BBS9: variants seen among roughly 807,000 people sequenced by gnomAD.
The protein encoded by BBS9 is protein PTHB1.
In BBS9, 89 loss-of-function variants were observed where a neutral mutation model predicts 117.7. The observed-to-expected ratio is 0.76, with a 90% CI of 0.64 to 0.90. BBS9 has a LOEUF of 0.90. Ranked by LOEUF, BBS9 falls within the 40% of genes least tolerant of loss-of-function variation. The pLI, the probability that BBS9 is intolerant of heterozygous loss-of-function variation, is 0.00. For missense variants in BBS9, 982 were observed against 1,042.2 expected (o/e 0.94, Z 0.80); for synonymous variants, 379 against 370.9 (o/e 1.02, Z -0.25).
chr7:33,217,438 C>T (rs988777193), intron 5 of BBS9, among the ~76,000 whole-genome samples: 8 of 152,044 alleles, frequency 5.3e-5, no homozygotes, highest in Non-Finnish European at 7.4e-5. Flanking sequence ...ATTATATCTA[C>T]GAAGTGTTTT....
At chr7:33,185,578 T>G (rs989764910) in intron 5 of BBS9, among the ~76,000 whole-genome samples, 1 of 152,214 alleles carries the variant, frequency 6.6e-6, no homozygotes, top group African/African-American at 2.4e-5. Context: ...AAGCCCACTT[T>G]CTAAGCCTGA....
chr7:33,224,704 A>G (rs912848927), intron 5 of BBS9, among the ~76,000 whole-genome samples: 1 of 152,134 alleles, frequency 6.6e-6, no homozygotes, highest in South Asian at 2.1e-4. Flanking sequence ...GCATCCCCAC[A>G]GTGTCTTGTA....
chr7:33,158,542 T>C (rs1794396609), intron 4 of BBS9, among the ~76,000 whole-genome samples: 1 of 152,212 alleles, frequency 6.6e-6, no homozygotes, highest in Non-Finnish European at 1.5e-5. Context: ...TTTTTCTCCA[T>C]AGTTGCATTA....
intron 13 of BBS9, among the ~76,000 whole-genome samples, chr7:33,350,274 G>A (rs115770973): frequency 0.034 from 5,109 of 152,104 alleles, 266 homozygotes; most frequent in African/African-American, 0.11. Context: ...AGTGCCTGCC[G>A]TTAGTAGGAA....
intron 20 of BBS9, among the ~76,000 whole-genome samples, chr7:33,524,715 G>A (rs989878857): frequency 7.2e-5 from 11 of 151,990 alleles, no homozygotes; most frequent in East Asian, 3.9e-4. Context: ...TGGATTCATT[G>A]ATTTTTTGAA....
chr7:33,513,813 G>A (rs1435481056), intron 20 of BBS9, among the ~76,000 whole-genome samples: 1 of 152,100 alleles, frequency 6.6e-6, no homozygotes, highest in East Asian at 1.9e-4. Context: ...CAACTGTTAG[G>A]TACACTTCAC....
intron 19 of BBS9, among the ~76,000 whole-genome samples, chr7:33,440,853 G>A (rs1836064934): frequency 6.6e-6 from 1 of 152,034 alleles, no homozygotes; most frequent in Admixed American, 6.6e-5. Flanking sequence ...TTAATAAATG[G>A]GCATGATCAA....
intron 2 of BBS9, among the ~76,000 whole-genome samples, chr7:33,147,603 G>T (rs4723260): frequency 0.16 from 24,033 of 152,122 alleles, 2,073 homozygotes; most frequent in South Asian, 0.21. Flanking sequence ...AGCATGTGAT[G>T]CCCCAGTTAT....
At chr7:33,332,521 A>G (rs904675576) in intron 9 of BBS9, among the ~76,000 whole-genome samples, 1 of 152,184 alleles carries the variant, frequency 6.6e-6, no homozygotes, top group East Asian at 1.9e-4. Context: ...TACTAAAAAT[A>G]TAAAAATTAG....
At chr7:33,334,813 C>T (rs1205858053) in intron 9 of BBS9, among the ~76,000 whole-genome samples, 1 of 152,186 alleles carries the variant, frequency 6.6e-6, no homozygotes, top group East Asian at 1.9e-4. Flanking sequence ...GGAGCAGCAT[C>T]AGAGCCAGAC....
intron 9 of BBS9, among the ~76,000 whole-genome samples, chr7:33,296,261 C>G (rs1018645602): frequency 2.6e-5 from 4 of 152,068 alleles, no homozygotes; most frequent in Admixed American, 2.0e-4. Context: ...ATCTTGGAAT[C>G]AGTTAGTACT....
intron 21 of BBS9, among the ~76,000 whole-genome samples, chr7:33,579,224 A>G (rs777601906): frequency 3.3e-5 from 5 of 152,196 alleles, no homozygotes; most frequent in Admixed American, 6.5e-5. Flanking sequence ...AGGGGCCTCC[A>G]AAAAAGACAA....
At chr7:33,616,636 C>T (rs1446972359) in intron 21 of BBS9, among the ~76,000 whole-genome samples, 2 of 150,880 alleles carry the variant, frequency 1.3e-5, no homozygotes, top group Non-Finnish European at 3.0e-5. Context: ...AAAACAGTAA[C>T]AAATATGATA....
intron 18 of BBS9, among the ~76,000 whole-genome samples, chr7:33,386,521 C>T (rs545729109): frequency 3.0e-4 from 45 of 151,630 alleles, no homozygotes; most frequent in Admixed American, 1.1e-3. Flanking sequence ...GACGGGGTCT[C>T]GCTCTGTCGC....
intron 17 of BBS9, chr7:33,380,921 A>G (rs1824891475): frequency 6.6e-6 from 1 of 152,156 alleles, no homozygotes. Flanking sequence ...GCTGCCTAGG[A>G]TGGACAGACA....
intron 21 of BBS9, among the ~76,000 whole-genome samples, chr7:33,538,773 T>TA (rs56727625): frequency 0.47 from 67,798 of 144,626 alleles, 16,009 homozygotes; most frequent in South Asian, 0.57. Context: ...ATCTTGACAT[T>TA]AAAAAAAAAA....
chr7:33,577,271 C>T (rs902356416), intron 21 of BBS9, among the ~76,000 whole-genome samples: 1 of 152,166 alleles, frequency 6.6e-6, no homozygotes. Context: ...CAAAAGAAGA[C>T]GTTTATGCAG....
chr7:33,327,980 T>C (rs991189507), intron 9 of BBS9, among the ~76,000 whole-genome samples: 4 of 152,154 alleles, frequency 2.6e-5, no homozygotes, highest in Non-Finnish European at 1.5e-5. Context: ...AACTCATGGG[T>C]AGCCATGTTG....
chr7:33,249,063 C>G (rs938312374), intron 5 of BBS9, among the ~76,000 whole-genome samples: 1 of 152,082 alleles, frequency 6.6e-6, no homozygotes, highest in Non-Finnish European at 1.5e-5. Flanking sequence ...TTCATGTTTG[C>G]TACACCACTT....
Sources: gnomAD v4.1 joint callset for allele counts (sites outside exome capture counted in the v4.1 genomes callset) on GRCh38, gnomAD v4.1.1 for gene constraint, MANE v1.5 for transcripts, NCBI Gene and HGNC (gene_info 2026-07-23, HGNC 2026-07-21) for gene names.